The following GSE1 variants were observed in gnomAD, a reference collection of about 807,000 sequenced individuals.
The protein encoded by GSE1 is Gse1 coiled-coil protein, also known as genetic suppressor element 1.
GSE1 carries 32 observed loss-of-function variants against 112.6 expected under a neutral mutation model. The observed-to-expected ratio is 0.28, with a 90% CI of 0.21 to 0.38. The LOEUF (loss-of-function observed/expected upper bound fraction) is 0.38, where lower values mean the gene tolerates loss of function less well. GSE1 is among the 10% of genes least tolerant of loss of function. The probability of loss-of-function intolerance (pLI) is 1.00; values close to 1 mark genes in which losing one functional copy is unlikely to be tolerated. For synonymous variants in GSE1, 1,115 were observed against 735.6 expected, an observed-to-expected ratio of 1.52 and a Z score of -8.35; for missense variants, 2,348 against 1,699.2, an observed-to-expected ratio of 1.38 and a Z score of -6.71.
chr16:85,390,210 CAGTA>C, intron 2 of GSE1, among the ~76,000 whole-genome samples: 1 of 152,206 alleles, frequency 6.6e-6, no homozygotes. Flanking sequence ...CGCTGGCACA[CAGTA>C]GGTGCTCCAA....
rs1285312237 is a variant in GSE1, at chr16:85,675,379, TAGTCAG to T, written c.*2848_*2853del. On this transcript the variant is annotated 3_prime_UTR_variant, in exon 16 of 16. Coordinates refer to ENST00000253458, the MANE Select transcript of GSE1 (RefSeq NM_014615.5). The stretch of plus-strand genomic sequence containing the variant: ...TGAAACAAGTTATTTTTGCTTCATA[TAGTCAG>T]AGTCAGACTGACATGATAAAATATC... 6.6e-6 allele frequency: 1 copy of T among 152,232 alleles called. No individual in the cohort carries two copies. Among genetic ancestry groups the T allele is most frequent in the African/African-American group, 2.4e-5 (1 of 41,470 alleles). The allele number at this position is 152,232 out of a possible 1,614,324, so 9.4% of individuals were successfully genotyped here. A position where few individuals can be genotyped will look rare whatever the true frequency, so the allele number is the denominator to read the frequency against.
rs761459462 is a variant in GSE1 at position 85,668,437 on chromosome 16, TGGGGAAGAGG to T, written c.3415+19_3415+28del. The T allele has an allele frequency of 2.2e-5, 26 of 1,194,878 alleles. 2 individuals are homozygous for T. Among genetic ancestry groups the T allele is most frequent in the African/African-American group, 1.8e-4 (12 of 65,636 alleles). The allele number at this position is 1,194,878 out of a possible 1,614,324, so 74.0% of individuals were successfully genotyped here. A position where few individuals can be genotyped will look rare whatever the true frequency, so the allele number is the denominator to read the frequency against. On this transcript the variant is annotated intron_variant, in intron 14 of 15. Transcript: ENST00000253458. ...GAACACATAGAAGGTAAGGGGGTGC[TGGGGAAGAGG>T]GGGGAGGGGGTCAGGAAAGTACCTT...
At chr16:85,245,320 C>G (rs1009091448) in intron 1 of GSE1, among the ~76,000 whole-genome samples, 3 of 152,234 alleles carry the variant, frequency 2.0e-5, no homozygotes, top group African/African-American at 7.2e-5. Flanking sequence ...TCGAGAGGCA[C>G]TGAAGTCAGA....
intron 1 of GSE1, among the ~76,000 whole-genome samples, chr16:85,210,536 C>A (rs1404333717): frequency 2.6e-5 from 4 of 152,116 alleles, no homozygotes; most frequent in Admixed American, 2.0e-4. Context: ...CTGCAGTAAG[C>A]TGTGATTGCA....
chr16:85,465,908 C>A (rs191684144), intron 2 of GSE1, among the ~76,000 whole-genome samples: 1 of 152,240 alleles, frequency 6.6e-6, no homozygotes. Flanking sequence ...CACTTCCCAG[C>A]TATTCAGTGA....
At chr16:85,590,381 TTGTG>T (rs200238143) in intron 1 of GSE1, among the ~76,000 whole-genome samples, 3,822 of 145,668 alleles carry the variant, frequency 0.026, 163 homozygotes, top group African/African-American at 0.09. Flanking sequence ...GTGTGTGAGA[TTGTG>T]TGAACATGTG....
At chr16:85,390,310 G>T (rs1253258268) in intron 2 of GSE1, among the ~76,000 whole-genome samples, 1 of 152,052 alleles carries the variant, frequency 6.6e-6, no homozygotes, top group Non-Finnish European at 1.5e-5. Flanking sequence ...TGACCAAGGG[G>T]AGGTGTCCAG....
At chr16:85,225,948 G>A (rs1046840819) in intron 1 of GSE1, among the ~76,000 whole-genome samples, 1 of 152,208 alleles carries the variant, frequency 6.6e-6, no homozygotes. Context: ...GGATCCACTG[G>A]CCGGGTGGCT....
chr16:85,656,796 T>G (rs1324265505), intron 7 of GSE1, 131 bp downstream of exon 7: 2 of 1,274,734 alleles, frequency 1.6e-6, no homozygotes, highest in Non-Finnish European at 2.1e-6. Flanking sequence ...AAGCGTGGTG[T>G]GGCTGAACAT....
intron 1 of GSE1, among the ~76,000 whole-genome samples, chr16:85,230,582 C>A (rs945202810): frequency 1.3e-5 from 2 of 152,224 alleles, no homozygotes; most frequent in Admixed American, 6.5e-5. Context: ...CTCCAGCAGG[C>A]TCTCCTCGCA....
intron 2 of GSE1, among the ~76,000 whole-genome samples, chr16:85,548,242 AAAAAG>A (rs766121955): frequency 0.02 from 2,923 of 147,232 alleles, 18 homozygotes; most frequent in South Asian, 0.032. Flanking sequence ...AAAAAAAAAA[AAAAAG>A]AAAGAAAGAA....
intron 2 of GSE1, among the ~76,000 whole-genome samples, chr16:85,459,973 C>G (rs1259603818): frequency 1.3e-5 from 2 of 152,236 alleles, no homozygotes; most frequent in African/African-American, 4.8e-5. Context: ...CAAAGCATTT[C>G]TGCCAGAAAG....
intron 1 of GSE1, among the ~76,000 whole-genome samples, chr16:85,567,495 G>A (rs959213414): frequency 3.3e-5 from 5 of 152,038 alleles, no homozygotes; most frequent in South Asian, 2.1e-4. Context: ...GACCGCAGCC[G>A]GGGCTCTCAA....
chr16:85,358,640 C>T (rs961599448), intron 2 of GSE1, among the ~76,000 whole-genome samples: 31 of 152,318 alleles, frequency 2.0e-4, no homozygotes, highest in African/African-American at 7.2e-4. Flanking sequence ...CCTCCATCTG[C>T]AGGGCAACCC....
intron 3 of GSE1, among the ~76,000 whole-genome samples, chr16:85,650,406 C>G (rs1389159456): frequency 6.6e-6 from 1 of 152,196 alleles, no homozygotes; most frequent in Non-Finnish European, 1.5e-5. Flanking sequence ...GAGGCCACTT[C>G]CCTGCCCCAG....
At position 85,379,597 on chromosome 16, in the gene GSE1, G is replaced by A. The variant is rs145514195; in HGVS notation, c.2464+21954G>A. The stretch of plus-strand genomic sequence containing the variant: ...CATGGACCATCCAAGGTCTTACTTA[G>A]AAGCAGCAGCCCAGCTCCTGGGGTA... On this transcript the variant is annotated intron_variant, in intron 2 of 2. Coordinates refer to the GSE1 transcript ENST00000637419. Among the ~76,000 whole-genome samples, 60 of 152,310 alleles carry A rather than the reference G, an allele frequency of 3.9e-4. No individual in the cohort carries two copies. The East Asian group carries it at 0.011, about 29-fold the overall frequency.
At chr16:85,393,272 A>G (rs2047887454) in intron 2 of GSE1, among the ~76,000 whole-genome samples, 1 of 152,206 alleles carries the variant, frequency 6.6e-6, no homozygotes, top group South Asian at 2.1e-4. Context: ...CTGTCTCAAG[A>G]AAAGGGAGGC....
In GSE1 at chr16:85,657,510, T is replaced by G. The variant is rs1317628252; in HGVS notation, c.1546T>G (p.Ser516Ala). Residue 516 changes from serine to alanine, a missense_variant, in exon 8 of 16, where the codon TCC becomes GCC. By Grantham distance (99) the Ser-to-Ala change is moderately conservative (BLOSUM62 1). Coordinates refer to ENST00000253458, the MANE Select transcript of GSE1 (RefSeq NM_014615.5). ...GAAGGAGGACCGGCAGTCTCAGGTG[T>G]CCGAGTTCCGGCAGCAGGTGCTGGA... ...QEKEDRQSQV[S>A]EFRQQVLEQH... is the part of the protein sequence containing the mutation. 6.2e-7 allele frequency: 1 copy of G among 1,605,266 alleles called. No individual in the cohort carries two copies. The highest frequency in any genetic ancestry group is 8.5e-7 in the Non-Finnish European group (1 of 1,176,490).
intron 1 of GSE1, among the ~76,000 whole-genome samples, chr16:85,196,763 T>G (rs2074935140): frequency 1.3e-5 from 2 of 152,170 alleles, no homozygotes; most frequent in South Asian, 4.1e-4. Context: ...GCCCTGTGTT[T>G]AGACCGCATG....
Sources: allele counts gnomAD v4.1 joint callset (sites outside exome capture counted in the v4.1 genomes callset), GRCh38; gene constraint gnomAD v4.1.1; transcripts MANE v1.5; gene names NCBI Gene and HGNC (gene_info 2026-07-23, HGNC 2026-07-21).